RALYL: variants seen among roughly 807,000 people sequenced by gnomAD.
RALYL encodes the protein RALY RNA binding protein like.
In RALYL, 29 loss-of-function variants were observed where a neutral mutation model predicts 35.1. The ratio of observed to expected loss-of-function variants is 0.83; its 90% CI spans 0.61 to 1.13. The LOEUF (loss-of-function observed/expected upper bound fraction) is 1.13. RALYL is among the 50% of genes most tolerant of loss of function. The probability of loss-of-function intolerance (pLI) is 0.00; values close to 1 mark genes in which losing one functional copy is unlikely to be tolerated. For missense variants in RALYL, 359 were observed against 360.4 expected, an observed-to-expected ratio of 1.00 and a Z score of 0.03; for synonymous variants, 120 against 127.6, an observed-to-expected ratio of 0.94 and a Z score of 0.40.
intron 1 of RALYL, among the ~76,000 whole-genome samples, chr8:84,299,058 A>G (rs1193447295): frequency 2.0e-5 from 3 of 151,874 alleles, no homozygotes; most frequent in Non-Finnish European, 1.5e-5. Flanking sequence ...TTTCTCTTGC[A>G]TGATTGTTCT....
At chr8:84,391,365 A>G (rs1426500051) in intron 1 of RALYL, among the ~76,000 whole-genome samples, 1 of 151,978 alleles carries the variant, frequency 6.6e-6, no homozygotes, top group Non-Finnish European at 1.5e-5. Flanking sequence ...GAAAAGTCCT[A>G]TTTCACATCT....
At chr8:84,649,955 A>C (rs1033466126) in intron 2 of RALYL, among the ~76,000 whole-genome samples, 5 of 151,878 alleles carry the variant, frequency 3.3e-5, no homozygotes, top group East Asian at 1.9e-4. Context: ...CTTTTATTTC[A>C]TTGAGCAGTG....
chr8:84,544,941 AT>A (rs1477562669), intron 2 of RALYL, among the ~76,000 whole-genome samples: 6 of 151,978 alleles, frequency 3.9e-5, no homozygotes, highest in Non-Finnish European at 8.8e-5. Context: ...AATCAGTTGT[AT>A]TTTTCTTATA....
At chr8:84,471,621 GA>G (rs2052766893) in intron 1 of RALYL, among the ~76,000 whole-genome samples, 1 of 152,036 alleles carries the variant, frequency 6.6e-6, no homozygotes, top group African/African-American at 2.4e-5. Context: ...AGGACACACA[GA>G]ATTGTATAAC....
rs188782659 is a variant in RALYL at position 84,470,073 on chromosome 8, G to A, written c.-23-59226G>A. ...CTAGTGAGATGCACCCGGTACCTCA[G>A]ATGGAAATGCAGAAATCACCCATCT... On this transcript the variant is annotated intron_variant, in intron 1 of 8. Coordinates refer to ENST00000521268, the MANE Select transcript of RALYL (RefSeq NM_173848.7). Among the ~76,000 whole-genome samples, 807 of 152,294 alleles carry A rather than the reference G, an allele frequency of 5.3e-3. 9 individuals carry two copies. The highest frequency in any genetic ancestry group is 0.018 in the African/African-American group (759 of 41,580).
At chr8:84,601,401 G>A (rs1051649026) in intron 2 of RALYL, among the ~76,000 whole-genome samples, 1 of 152,048 alleles carries the variant, frequency 6.6e-6, no homozygotes, top group African/African-American at 2.4e-5. Context: ...TAACAGTGGG[G>A]CAGATGCTGG....
At chr8:84,552,338 G>GTATATATATATA (rs779399854) in intron 2 of RALYL, among the ~76,000 whole-genome samples, 1 of 73,936 alleles carries the variant, frequency 1.4e-5, no homozygotes, top group East Asian at 4.2e-4. Flanking sequence ...GGATGTGTGT[G>GTATATATATATA]TATATATATA....
At chr8:84,806,038 A>ATTAC (rs1040869860) in intron 4 of RALYL, among the ~76,000 whole-genome samples, 8 of 152,148 alleles carry the variant, frequency 5.3e-5, no homozygotes, top group Non-Finnish European at 1.2e-4. Context: ...ATTTTCTTTT[A>ATTAC]TTACTTTGTA....
intron 2 of RALYL, among the ~76,000 whole-genome samples, chr8:84,621,520 C>G (rs915943082): frequency 1.1e-4 from 16 of 152,110 alleles, no homozygotes; most frequent in Non-Finnish European, 2.9e-5. Context: ...GAGATGAACC[C>G]GGTACCTCAG....
intron 1 of RALYL, among the ~76,000 whole-genome samples, chr8:84,281,444 A>G (rs1836536339): frequency 6.6e-6 from 1 of 151,884 alleles, no homozygotes. Flanking sequence ...GTTTTACAAC[A>G]TATGAATGAA....
chr8:84,797,526 G>A (rs565197255), intron 3 of RALYL, among the ~76,000 whole-genome samples: 1 of 152,138 alleles, frequency 6.6e-6, no homozygotes, highest in East Asian at 1.9e-4. Context: ...AGTGTGGTGG[G>A]GACAGATAGG....
chr8:84,345,051 G>A (rs1849568238), intron 1 of RALYL, among the ~76,000 whole-genome samples: 1 of 151,310 alleles, frequency 6.6e-6, no homozygotes, highest in Non-Finnish European at 1.5e-5. Context: ...ACCAAAGTGG[G>A]ATTGCTGGAT....
intron 8 of RALYL, among the ~76,000 whole-genome samples, chr8:84,896,497 A>C (rs1844762373): frequency 6.6e-6 from 1 of 152,124 alleles, no homozygotes; most frequent in South Asian, 2.1e-4. Context: ...AAAACTCTCT[A>C]ATAACTGCCT....
chr8:84,628,649 G>A (rs189210595), intron 2 of RALYL, among the ~76,000 whole-genome samples: 6 of 152,006 alleles, frequency 3.9e-5, no homozygotes, highest in East Asian at 1.9e-4. Context: ...GAGAAATATC[G>A]GGGGATAGAG....
At chr8:84,785,371 AT>A (rs374577180) in intron 3 of RALYL, among the ~76,000 whole-genome samples, 1 of 152,168 alleles carries the variant, frequency 6.6e-6, no homozygotes, top group African/African-American at 2.4e-5. Flanking sequence ...ATAAAAAAAA[AT>A]CAACCTCTTT....
chr8:84,544,713 C>T (rs1225213887), intron 2 of RALYL, among the ~76,000 whole-genome samples: 22 of 151,946 alleles, frequency 1.4e-4, no homozygotes, highest in Non-Finnish European at 2.9e-5. Flanking sequence ...TTACATTTTG[C>T]CAGATATTTT....
At chr8:84,639,402 G>T (rs979453782) in intron 2 of RALYL, among the ~76,000 whole-genome samples, 18 of 151,794 alleles carry the variant, frequency 1.2e-4, no homozygotes, top group African/African-American at 4.4e-4. Context: ...AGCCTTTTCT[G>T]TCAACCTTAT....
intron 7 of RALYL, among the ~76,000 whole-genome samples, chr8:84,877,474 G>T (rs1841392448): frequency 1.3e-5 from 2 of 151,948 alleles, no homozygotes; most frequent in South Asian, 4.2e-4. Context: ...GCGACAGCGA[G>T]ATTCCATCTC....
At position 84,202,289 on chromosome 8, in the gene RALYL, C is replaced by T. The variant is rs1307493235; in HGVS notation, c.-24+17865C>T. The stretch of plus-strand genomic sequence containing the variant: ...TTCTTACCTAACACTGGTAGAGAAA[C>T]TGGCTGGGTTAGATTTACTTAAAGA... On this transcript the variant is annotated intron_variant, in intron 1 of 8. Coordinates refer to ENST00000521268, the MANE Select transcript of RALYL (RefSeq NM_173848.7). 2.7e-5 allele frequency among the ~76,000 whole-genome samples: 4 copies of T among 150,146 alleles called. No homozygotes were observed. In the East Asian group the frequency reaches 7.8e-4, roughly 29 times the overall value.
Sources: gnomAD v4.1 joint callset for allele counts (sites outside exome capture counted in the v4.1 genomes callset) on GRCh38, gnomAD v4.1.1 for gene constraint, MANE v1.5 for transcripts, NCBI Gene and HGNC (gene_info 2026-07-23, HGNC 2026-07-21) for gene names.